PTK2B: variants seen among roughly 807,000 people sequenced by gnomAD.
The protein encoded by PTK2B is protein-tyrosine kinase 2-beta.
In PTK2B, 71 loss-of-function variants were observed where a neutral mutation model predicts 142.9. The ratio of observed to expected loss-of-function variants is 0.50; its 90% CI spans 0.41 to 0.61. The LOEUF (loss-of-function observed/expected upper bound fraction) is 0.61, where lower values mean the gene tolerates loss of function less well. PTK2B is among the 20% of genes least tolerant of loss of function. The probability of loss-of-function intolerance (pLI) is 0.00; values close to 1 mark genes in which losing one functional copy is unlikely to be tolerated. For missense variants in PTK2B, 1,105 were observed against 1,320.4 expected (o/e 0.84, Z 2.53); for synonymous variants, 519 against 503.4 (o/e 1.03, Z -0.42).
chr8:27,323,936 CT>C (rs1354634027), upstream of PTK2B, among the ~76,000 whole-genome samples: 2 of 152,168 alleles, frequency 1.3e-5, no homozygotes, highest in African/African-American at 4.8e-5. Context: ...CACACACAAA[CT>C]CTCCTTTTCT....
At chr8:27,332,645 G>A (rs551948347) in intron 1 of PTK2B, among the ~76,000 whole-genome samples, 15 of 152,012 alleles carry the variant, frequency 9.9e-5, no homozygotes, top group South Asian at 2.1e-4. Flanking sequence ...ACAGTGGTGC[G>A]ATCACACCTC....
In PTK2B at chr8:27,440,560, C is replaced by T. The variant is rs191160347; in HGVS notation, c.2039+119C>T. ...AAAGAAGACGGGCCAGGGTCAAGGACAGGAGGCTGAAGCCAGGTTCACTGT... is the reference window on the plus strand; with the variant it reads ...AAAGAAGACGGGCCAGGGTCAAGGATAGGAGGCTGAAGCCAGGTTCACTGT... On this transcript the variant is annotated intron_variant, in intron 21 of 30. Coordinates refer to ENST00000346049, the MANE Select transcript of PTK2B (RefSeq NM_173176.3). 39 of 1,228,236 alleles carry T rather than the reference C, an allele frequency of 3.2e-5. No homozygotes were observed. In the African/African-American group the frequency reaches 4.2e-4, roughly 13 times the overall value. The allele number at this position is 1,228,236 out of a possible 1,614,324, so 76.1% of individuals were successfully genotyped here.
intron 1 of PTK2B, among the ~76,000 whole-genome samples, chr8:27,373,144 G>A (rs1371793900): frequency 6.6e-6 from 1 of 152,026 alleles, no homozygotes; most frequent in East Asian, 1.9e-4. Context: ...GCTGCTTTTG[G>A]AGAAAAGACA....
chr8:27,315,113 A>T (rs556059380), intron 3 of PTK2B, among the ~76,000 whole-genome samples: 1 of 152,290 alleles, frequency 6.6e-6, no homozygotes, highest in Middle Eastern at 3.4e-3. Context: ...TTTCCTCAGC[A>T]TAGTCCTTTC....
intron 1 of PTK2B, among the ~76,000 whole-genome samples, chr8:27,335,996 G>C (rs1018138245): frequency 4.6e-5 from 7 of 152,182 alleles, no homozygotes; most frequent in African/African-American, 1.4e-4. Context: ...AGGTCATCTG[G>C]AATTCTTTCC....
intron 5 of PTK2B, among the ~76,000 whole-genome samples, chr8:27,424,611 C>A (rs1388959948): frequency 6.6e-6 from 1 of 152,166 alleles, no homozygotes. Context: ...AGAAGATTTG[C>A]AGGTCTAATA....
chr8:27,446,970 A>G (rs1811511162), intron 24 of PTK2B, among the ~76,000 whole-genome samples: 1 of 152,242 alleles, frequency 6.6e-6, no homozygotes, highest in Admixed American at 6.5e-5. Flanking sequence ...TAACAATAAT[A>G]AACTACATTT....
chr8:27,454,437 G>A, intron 29 of PTK2B, 94 bp from the exon 30 acceptor site: 1 of 1,555,356 alleles, frequency 6.4e-7, no homozygotes, highest in South Asian at 1.1e-5. Context: ...ACTCGCGGGG[G>A]ACAAGCACCA....
chr8:27,365,110 A>T (rs1165917010), intron 1 of PTK2B, among the ~76,000 whole-genome samples: 1 of 152,178 alleles, frequency 6.6e-6, no homozygotes, highest in South Asian at 2.1e-4. Context: ...GGTCCAACTC[A>T]TATCCTGCCT....
Position 27,435,958 on chromosome 8 carries a change from A to AT in PTK2B, c.1243+174dup, listed in dbSNP as rs201948907. Among the ~76,000 whole-genome samples, 144 of 151,828 alleles carry AT rather than the reference A, an allele frequency of 9.5e-4. 2 individuals carry two copies. In the East Asian group the frequency reaches 0.027, roughly 28 times the overall value. Reference sequence around the variant, plus strand: ...AGATGCCTTGGATTTGAAAGCTGAGATTTTTTTTTCTCTCCCTATACTGAT... The same window carrying AT: ...AGATGCCTTGGATTTGAAAGCTGAGATTTTTTTTTTCTCTCCCTATACTGAT... On this transcript the variant is annotated intron_variant, in intron 14 of 30. Transcript: ENST00000346049.
At chr8:27,349,577 C>T (rs534378893) in intron 1 of PTK2B, among the ~76,000 whole-genome samples, 14 of 152,198 alleles carry the variant, frequency 9.2e-5, no homozygotes, top group Non-Finnish European at 1.8e-4. Context: ...CTGGGCCCCA[C>T]CCCCAACAGC....
intron 1 of PTK2B, among the ~76,000 whole-genome samples, chr8:27,328,670 C>T (rs1274871475): frequency 6.6e-6 from 1 of 152,174 alleles, no homozygotes; most frequent in Non-Finnish European, 1.5e-5. Flanking sequence ...GGACATGTGT[C>T]TTGAATATTT....
At chr8:27,404,986 G>C (rs1563257622) in intron 2 of PTK2B, among the ~76,000 whole-genome samples, 2 of 143,002 alleles carry the variant, frequency 1.4e-5, no homozygotes, top group Admixed American at 1.4e-4. Flanking sequence ...AAGAGGAAGA[G>C]GCTAGATTCC....
chr8:27,311,092 G>T (rs1327558862), upstream of PTK2B: 1 of 1,597,798 alleles, frequency 6.3e-7, no homozygotes, highest in East Asian at 2.3e-5. Flanking sequence ...GCACCTCCCA[G>T]CAGCGGCTCA....
intron 1 of PTK2B, among the ~76,000 whole-genome samples, chr8:27,367,294 C>T (rs1162048518): frequency 6.6e-6 from 1 of 152,162 alleles, no homozygotes; most frequent in Non-Finnish European, 1.5e-5. Flanking sequence ...CCTGAGAGAC[C>T]CTCCTGTGGG....
chr8:27,330,172 T>C (rs1803657909), intron 1 of PTK2B, among the ~76,000 whole-genome samples: 1 of 152,204 alleles, frequency 6.6e-6, no homozygotes, highest in Admixed American at 6.5e-5. Context: ...TAGCATCTTA[T>C]GCACCCACTG....
intron 1 of PTK2B, among the ~76,000 whole-genome samples, chr8:27,327,216 G>C (rs1023699902): frequency 1.3e-5 from 2 of 152,146 alleles, no homozygotes; most frequent in African/African-American, 4.8e-5. Context: ...CAGGGGCGAG[G>C]GGAAGCTGCA....
chr8:27,370,489 G>A (rs1216082938), intron 1 of PTK2B, among the ~76,000 whole-genome samples: 2 of 152,350 alleles, frequency 1.3e-5, no homozygotes, highest in East Asian at 3.9e-4. Context: ...TCTATCCAGA[G>A]CCCTTCCGTT....
intron 1 of PTK2B, among the ~76,000 whole-genome samples, chr8:27,361,858 T>G (rs1385084347): frequency 1.3e-5 from 2 of 152,158 alleles, no homozygotes; most frequent in Non-Finnish European, 2.9e-5. Flanking sequence ...ACCCACACAC[T>G]GCTCTTCACT....
Sources: gnomAD v4.1 joint callset for allele counts (sites outside exome capture counted in the v4.1 genomes callset) on GRCh38, gnomAD v4.1.1 for gene constraint, MANE v1.5 for transcripts, NCBI Gene and HGNC (gene_info 2026-07-23, HGNC 2026-07-21) for gene names.